Variants in PTPRK observed in about 807,000 individuals in gnomAD.
PTPRK encodes the protein receptor-type tyrosine-protein phosphatase kappa.
Under a neutral mutation model 178.0 loss-of-function variants are expected in PTPRK, and 75 were observed. That is an observed-to-expected ratio of 0.42 (90% CI 0.35 to 0.51). PTPRK has a LOEUF of 0.51. PTPRK is among the 20% of genes least tolerant of loss of function. PTPRK has a pLI of 0.02. For missense variants in PTPRK, 1,441 were observed against 1,797.8 expected, an observed-to-expected ratio of 0.80 and a Z score of 3.59; for synonymous variants, 637 against 620.6, an observed-to-expected ratio of 1.03 and a Z score of -0.39.
intron 5 of PTPRK, among the ~76,000 whole-genome samples, chr6:128,222,312 C>A (rs1005533928): frequency 6.6e-6 from 1 of 152,212 alleles, no homozygotes; most frequent in Non-Finnish European, 1.5e-5. Context: ...TTTTATGGTA[C>A]CTTACACCCT....
At chr6:128,359,752 CA>C (rs1162804540) in intron 2 of PTPRK, among the ~76,000 whole-genome samples, 2 of 148,796 alleles carry the variant, frequency 1.3e-5, no homozygotes, top group Non-Finnish European at 3.0e-5. Flanking sequence ...AACTCGGTCT[CA>C]AAAATAAAAA....
intron 7 of PTPRK, among the ~76,000 whole-genome samples, chr6:128,146,205 G>C (rs995577751): frequency 1.3e-5 from 2 of 152,132 alleles, no homozygotes; most frequent in African/African-American, 4.8e-5. Context: ...ATTGATATTT[G>C]ACTACAAAGG....
chr6:128,221,135 T>C (rs953244397), intron 5 of PTPRK, among the ~76,000 whole-genome samples: 1 of 152,218 alleles, frequency 6.6e-6, no homozygotes, highest in Admixed American at 6.5e-5. Flanking sequence ...TGGTGGTACA[T>C]TAATGGCTAT....
rs188610525 is a variant in PTPRK, at chr6:128,154,234, T to C, written c.1162+30198A>G. 2.3e-3 allele frequency among the ~76,000 whole-genome samples: 349 copies of C among 151,868 alleles called. 1 individual carries two copies. The highest frequency in any genetic ancestry group is 3.8e-3 in the Non-Finnish European group (256 of 67,816). On this transcript the variant is annotated intron_variant, in intron 7 of 29. Coordinates refer to ENST00000368226, the MANE Select transcript of PTPRK (RefSeq NM_002844.4). ...TAATAATTAAAATTGAGAATTTGTA[T>C]ATTGACAAAAGAGAAAATCCAATTC... is the stretch of plus-strand genomic sequence containing the variant.
chr6:128,134,429 C>G (rs143431677), intron 7 of PTPRK, among the ~76,000 whole-genome samples: 1 of 152,136 alleles, frequency 6.6e-6, no homozygotes, highest in Non-Finnish European at 1.5e-5. Flanking sequence ...TAGTTTTATG[C>G]GTCAGCTTGG....
At chr6:128,293,573 T>C (rs1407828490) in intron 3 of PTPRK, among the ~76,000 whole-genome samples, 1 of 152,066 alleles carries the variant, frequency 6.6e-6, no homozygotes, top group South Asian at 2.1e-4. Flanking sequence ...TATTATTTAA[T>C]TGGACTGGGA....
intron 7 of PTPRK, among the ~76,000 whole-genome samples, chr6:128,167,569 T>C (rs939076349): frequency 6.6e-6 from 1 of 152,136 alleles, no homozygotes; most frequent in Admixed American, 6.6e-5. Flanking sequence ...TCAAGAGTAA[T>C]ATACTTCATA....
At chr6:128,217,147 A>G (rs1809468748) in intron 6 of PTPRK, among the ~76,000 whole-genome samples, 1 of 152,182 alleles carries the variant, frequency 6.6e-6, no homozygotes, top group Non-Finnish European at 1.5e-5. Flanking sequence ...GGCTCAGGTG[A>G]GAGAGATGCT....
intron 6 of PTPRK, among the ~76,000 whole-genome samples, chr6:128,202,577 C>A (rs1447224946): frequency 1.3e-5 from 2 of 152,114 alleles, no homozygotes; most frequent in Non-Finnish European, 2.9e-5. Context: ...CAAGTTAAGA[C>A]CAACTGGCTT....
intron 7 of PTPRK, among the ~76,000 whole-genome samples, chr6:128,126,847 A>T (rs1043265363): frequency 2.0e-4 from 31 of 152,220 alleles, no homozygotes; most frequent in African/African-American, 7.2e-4. Context: ...GTATCTTAAG[A>T]CTATGCTTAA....
chr6:128,265,523 G>T (rs1324277936), intron 3 of PTPRK, among the ~76,000 whole-genome samples: 1 of 152,066 alleles, frequency 6.6e-6, no homozygotes, highest in African/African-American at 2.4e-5. Flanking sequence ...TAGAAGCAAA[G>T]AAAGGTAAGT....
chr6:128,039,543 C>T (rs150390549), intron 13 of PTPRK, among the ~76,000 whole-genome samples: 22 of 152,268 alleles, frequency 1.4e-4, no homozygotes, highest in African/African-American at 5.3e-4. Context: ...AGCCTATATA[C>T]ATTTTGGATA....
chr6:128,101,684 G>A (rs1013178779), intron 7 of PTPRK, among the ~76,000 whole-genome samples: 4 of 152,050 alleles, frequency 2.6e-5, no homozygotes, highest in African/African-American at 9.7e-5. Flanking sequence ...ACAGTAAAAT[G>A]CCTTTGCCCT....
At chr6:128,219,934 C>A (rs1810088979) in intron 5 of PTPRK, among the ~76,000 whole-genome samples, 1 of 152,178 alleles carries the variant, frequency 6.6e-6, no homozygotes, top group African/African-American at 2.4e-5. Flanking sequence ...GCAAACAACT[C>A]TCTCTTTGGC....
intron 7 of PTPRK, among the ~76,000 whole-genome samples, chr6:128,134,964 C>T (rs1241175271): frequency 2.0e-5 from 3 of 152,028 alleles, no homozygotes. Flanking sequence ...TCTAGACTGC[C>T]TTCAGACTCA....
At chr6:128,422,931 AC>A (rs753443881) in intron 1 of PTPRK, among the ~76,000 whole-genome samples, 14 of 152,180 alleles carry the variant, frequency 9.2e-5, no homozygotes, top group Admixed American at 8.5e-4. Context: ...CCATGAATAA[AC>A]TTTTTCTAAG....
chr6:128,205,477 T>C (rs1486592253), intron 6 of PTPRK, among the ~76,000 whole-genome samples: 1 of 151,810 alleles, frequency 6.6e-6, no homozygotes, highest in Non-Finnish European at 1.5e-5. Flanking sequence ...AGGCCAGGCG[T>C]GGTGGCTCAC....
At chr6:128,290,122 G>A (rs779330876) in intron 3 of PTPRK, among the ~76,000 whole-genome samples, 3 of 152,016 alleles carry the variant, frequency 2.0e-5, no homozygotes, top group Non-Finnish European at 2.9e-5. Context: ...GTTCAGATGC[G>A]CTTCTTTGGT....
At chr6:128,289,685 C>T (rs1266965939) in intron 3 of PTPRK, among the ~76,000 whole-genome samples, 1 of 151,990 alleles carries the variant, frequency 6.6e-6, no homozygotes, top group Non-Finnish European at 1.5e-5. Flanking sequence ...TAGATAAATA[C>T]AGAAAATTTG....
Sources: allele counts gnomAD v4.1 joint callset (sites outside exome capture counted in the v4.1 genomes callset), GRCh38; gene constraint gnomAD v4.1.1; transcripts MANE v1.5; gene names NCBI Gene and HGNC (gene_info 2026-07-23, HGNC 2026-07-21).